RHOU: variants seen among roughly 807,000 people sequenced by gnomAD.
RHOU encodes ras homolog family member U.
RHOU carries 8 observed loss-of-function variants against 12.6 expected under a neutral mutation model. The observed-to-expected ratio is 0.64, with a 90% CI of 0.37 to 1.15. The LOEUF (loss-of-function observed/expected upper bound fraction) is 1.15, where lower values mean the gene tolerates loss of function less well. Ranked by LOEUF, RHOU falls within the 50% of genes most tolerant of loss-of-function variation. RHOU has a pLI of 0.01. For synonymous variants in RHOU, 161 were observed against 147.4 expected, an observed-to-expected ratio of 1.09 and a Z score of -0.67; for missense variants, 258 against 347.0, an observed-to-expected ratio of 0.74 and a Z score of 2.04.
In RHOU at chr1:228,743,173, C is replaced by T. The variant is rs772009095; in HGVS notation, c.322-112C>T. On this transcript the variant is annotated intron_variant, in intron 2 of 2. Transcript: ENST00000366691. The surrounding 1 kb of genome is among the most constrained non-coding windows in gnomAD (Gnocchi z 5.1). Reference sequence around the variant, plus strand: ...AGGATGCTGGCTCTTCCTTCTAGAACCAGCGGGTCTTCTATCACCTGCCAG... The same window carrying T: ...AGGATGCTGGCTCTTCCTTCTAGAATCAGCGGGTCTTCTATCACCTGCCAG... 1.0e-6 allele frequency: 1 copy of T among 957,592 alleles called. No homozygotes were observed. Among genetic ancestry groups the T allele is most frequent in the Non-Finnish European group, 1.6e-6 (1 of 618,926 alleles). 59.3% of individuals were successfully genotyped at this position (957,592 alleles called of 1,614,324 possible). A position where few individuals can be genotyped will look rare whatever the true frequency, so the allele number is the denominator to read the frequency against.
chr1:228,714,874 G>C, the RHOU span, among the ~76,000 whole-genome samples: 1 of 150,310 alleles, frequency 6.7e-6, no homozygotes, highest in Admixed American at 6.7e-5. Flanking sequence ...CTCCTGAGTA[G>C]CTGAGACTAC....
chr1:228,711,501 G>A, the RHOU span, among the ~76,000 whole-genome samples: 2 of 151,868 alleles, frequency 1.3e-5, no homozygotes, highest in African/African-American at 2.4e-5. Flanking sequence ...CAGAAATAAC[G>A]CCGCATATCT....
At chr1:228,680,146 C>T in the RHOU span, among the ~76,000 whole-genome samples, 2 of 152,240 alleles carry the variant, frequency 1.3e-5, no homozygotes, top group Middle Eastern at 3.4e-3. Flanking sequence ...AGGGGATGTA[C>T]TTACCCTCCA....
At chr1:228,664,615 A>G in the RHOU span, among the ~76,000 whole-genome samples, 5 of 152,106 alleles carry the variant, frequency 3.3e-5, no homozygotes, top group African/African-American at 1.2e-4. Flanking sequence ...CTTTGCCAGG[A>G]GGAACCCGTG....
rs564077673 is a variant in RHOU, at chr1:228,744,875, T to C, written c.*1135T>C. 1.3e-5 allele frequency: 2 copies of C among 152,382 alleles called. No individual in the cohort carries two copies. The highest frequency in any genetic ancestry group is 3.9e-4 in the East Asian group (2 of 5,194). 9.4% of individuals were successfully genotyped at this position (152,382 alleles called of 1,614,324 possible). ...GATGCTAGGAAGCTTGGCTTCCTCT[T>C]CTTGTTGACCCTTTTTTGAACCAAC... On this transcript the variant is annotated 3_prime_UTR_variant, in exon 3 of 3. Transcript: ENST00000366691.
chr1:228,735,581 C>T lies in RHOU; in HGVS notation c.-162C>T, dbSNP rs1399405321. ...CGGAGCCACGACCCTCCCTGGCCGC[C>T]TTTGTCTACTGGCCGTGCGGCCCGG... On this transcript the variant is annotated 5_prime_UTR_variant, in exon 1 of 3. Transcript: ENST00000366691. This position sits in a 1 kb window ranked among gnomAD's most constrained non-coding sequence, Gnocchi z 8.1. 4.5e-6 allele frequency: 2 copies of T among 449,420 alleles called. No homozygotes were observed. Among genetic ancestry groups the T allele is most frequent in the African/African-American group, 4.2e-5 (2 of 47,948 alleles). 27.8% of individuals were successfully genotyped at this position (449,420 alleles called of 1,614,324 possible).
chr1:228,694,895 T>G, the RHOU span, among the ~76,000 whole-genome samples: 1 of 152,336 alleles, frequency 6.6e-6, no homozygotes, highest in Non-Finnish European at 1.5e-5. Flanking sequence ...AGTACAACAT[T>G]ATGATAATTA....
At chr1:228,687,939 C>T in the RHOU span, 11 of 699,196 alleles carry the variant, frequency 1.6e-5, no homozygotes, top group East Asian at 2.9e-4. Flanking sequence ...ATCTCCCTCC[C>T]TCTGTCCCTT....
At chr1:228,668,683 C>T in the RHOU span, among the ~76,000 whole-genome samples, 1 of 152,198 alleles carries the variant, frequency 6.6e-6, no homozygotes, top group Non-Finnish European at 1.5e-5. Flanking sequence ...AGAGCTTTGT[C>T]TTAGAATCGA....
the RHOU span, among the ~76,000 whole-genome samples, chr1:228,713,999 G>GT: frequency 1.3e-5 from 2 of 152,150 alleles, no homozygotes; most frequent in African/African-American, 4.8e-5. Context: ...ACCAGTTTGA[G>GT]TTTTTTGTAC....
the RHOU span, among the ~76,000 whole-genome samples, chr1:228,673,206 T>G: frequency 6.6e-6 from 1 of 152,178 alleles, no homozygotes; most frequent in Admixed American, 6.5e-5. Flanking sequence ...TTCCTAATCT[T>G]TTCTTCACGG....
the RHOU span, among the ~76,000 whole-genome samples, chr1:228,656,329 T>C: frequency 6.6e-6 from 1 of 152,228 alleles, no homozygotes; most frequent in African/African-American, 2.4e-5. Flanking sequence ...AATTTCATTT[T>C]CTTTTAGATT....
the RHOU span, among the ~76,000 whole-genome samples, chr1:228,729,871 T>A: frequency 6.6e-6 from 1 of 152,150 alleles, no homozygotes; most frequent in Non-Finnish European, 1.5e-5. Context: ...TGATGGCAGG[T>A]GATAAAAGGA....
the RHOU span, among the ~76,000 whole-genome samples, chr1:228,681,148 T>C: frequency 6.6e-5 from 10 of 152,214 alleles, no homozygotes; most frequent in Admixed American, 2.6e-4. Context: ...AAACGCTGGC[T>C]GATTTGGGAA....
Position 228,735,758 on chromosome 1 carries a change from G to A in RHOU, c.16G>A (p.Gly6Arg), listed in dbSNP as rs1662590070. Reference sequence around the variant, plus strand: ...TCGCGGATCGATGCCCCCGCAGCAGGGGGACCCCGCGTTCCCCGACCGCTG... The same window carrying A: ...TCGCGGATCGATGCCCCCGCAGCAGAGGGACCCCGCGTTCCCCGACCGCTG... MPPQQGDPAFPDRCEA... is the reference protein window; with the variant it reads MPPQQRDPAFPDRCEA... The change falls in exon 1 of 3, where the codon GGG becomes AGG. Residue 6 changes from glycine to arginine, a missense_variant. Gly to Arg is a moderately radical substitution (Grantham distance 125). Coordinates refer to ENST00000366691, the MANE Select transcript of RHOU (RefSeq NM_021205.6). The surrounding 1 kb of genome is among the most constrained non-coding windows in gnomAD (Gnocchi z 8.1). The A allele has an allele frequency of 8.3e-7, 1 of 1,209,068 alleles. No homozygotes were observed. The highest frequency in any genetic ancestry group is 4.1e-5 in the South Asian group (1 of 24,252). The allele number at this position is 1,209,068 out of a possible 1,614,324, so 74.9% of individuals were successfully genotyped here. A position where few individuals can be genotyped will look rare whatever the true frequency, so the allele number is the denominator to read the frequency against.
At chr1:228,674,208 T>C in the RHOU span, among the ~76,000 whole-genome samples, 1 of 152,224 alleles carries the variant, frequency 6.6e-6, no homozygotes, top group Non-Finnish European at 1.5e-5. Context: ...TCTATTTGTC[T>C]TTTCTTATTA....
At chr1:228,713,034 G>A in the RHOU span, among the ~76,000 whole-genome samples, 6 of 151,466 alleles carry the variant, frequency 4.0e-5, no homozygotes, top group Non-Finnish European at 8.8e-5. Context: ...GATGATGAAT[G>A]TTGTGATATT....
the RHOU span, among the ~76,000 whole-genome samples, chr1:228,695,409 G>T: frequency 6.6e-6 from 1 of 152,010 alleles, no homozygotes; most frequent in African/African-American, 2.4e-5. Flanking sequence ...ACACCATCTG[G>T]GTATCCTCCA....
chr1:228,721,771 C>G, the RHOU span, among the ~76,000 whole-genome samples: 1 of 152,244 alleles, frequency 6.6e-6, no homozygotes, highest in Non-Finnish European at 1.5e-5. Context: ...AGAGATTCTC[C>G]TCCCTCAGCC....
Sources: gnomAD v4.1 joint callset for allele counts (sites outside exome capture counted in the v4.1 genomes callset) on GRCh38, gnomAD v4.1.1 for gene constraint, Gnocchi (gnomAD v3.1) non-coding constraint, MANE v1.5 for transcripts, NCBI Gene and HGNC (gene_info 2026-07-23, HGNC 2026-07-21) for gene names.